The following ABCF3 variants were observed in gnomAD, a reference collection of about 807,000 sequenced individuals.
ABCF3 encodes ATP-binding cassette sub-family F member 3.
A neutral mutation model predicts 94.3 loss-of-function variants in ABCF3; 62 were observed. The observed-to-expected ratio is 0.66, with a 90% confidence interval of 0.54 to 0.81. The LOEUF (loss-of-function observed/expected upper bound fraction) is 0.81, where lower values mean the gene tolerates loss of function less well. Ranked by LOEUF, ABCF3 falls within the 40% of genes least tolerant of loss-of-function variation. The pLI, the probability that ABCF3 is intolerant of heterozygous loss-of-function variation, is 0.00. For missense variants in ABCF3, 843 were observed against 925.3 expected (o/e 0.91, Z 1.15); for synonymous variants, 355 against 361.1 (o/e 0.98, Z 0.19).
chr3:184,188,323 T>C lies in ABCF3; in HGVS notation c.752T>C (p.Leu251Pro), dbSNP rs1351751856. The C allele has an allele frequency of 1.2e-6, 2 of 1,613,956 alleles. No individual in the cohort carries two copies. Among genetic ancestry groups the C allele is most frequent in the Non-Finnish European group, 1.7e-6 (2 of 1,180,044 alleles). The change falls in exon 7 of 21, where the codon CTG (leucine) becomes CCG (proline). Residue 251 changes from leucine (L) to proline (P), a missense_variant. By Grantham distance (98) the Leu-to-Pro change is moderately conservative. Coordinates refer to ENST00000429586, the MANE Select transcript of ABCF3 (RefSeq NM_018358.3). Reference protein sequence around the residue: ...QEVAGDDTPALQSVLESDSVR... With the variant: ...QEVAGDDTPAPQSVLESDSVR... ...GTTGCTGGAGATGACACTCCTGCCC[T>C]GCAGAGTGTGCTGGAGAGTGACAGT...
chr3:184,192,575 T>C (rs757285493), intron 16 of ABCF3, 26 bp from the exon 17 acceptor site: 1 of 1,596,340 alleles, frequency 6.3e-7, no homozygotes, highest in Non-Finnish European at 8.5e-7. Flanking sequence ...TGGCACACAC[T>C]GTATGACATT....
intron 14 of ABCF3, 96 bp downstream of exon 14, chr3:184,190,027 C>A: frequency 7.5e-7 from 1 of 1,335,606 alleles, no homozygotes; most frequent in South Asian, 1.2e-5. Flanking sequence ...TAGGTCTCCC[C>A]TTCGCTAGAA....
rs1283908771 is a variant in ABCF3 at position 184,193,116 on chromosome 3, G to C, written c.1765G>C (p.Glu589Gln). ...TCCTTTTCCAGGGCGGCCTGAGGAG[G>C]AGTACCGTCACCAGCTGGGTCGGTA... ...ARKFPGRPEE[E>Q]YRHQLGRYGI... Residue 589 changes from glutamate to glutamine, a missense_variant, in exon 19 of 21, where the codon GAG becomes CAG. Transcript: ENST00000429586. The surrounding 1 kb of genome is among the most constrained non-coding windows in gnomAD (Gnocchi z 5.2). 6.5e-7 allele frequency: 1 copy of C among 1,542,320 alleles called. No individual in the cohort carries two copies. Among genetic ancestry groups the C allele is most frequent in the Non-Finnish European group, 8.7e-7 (1 of 1,146,124 alleles).
At chr3:184,187,254 A>G (rs1037166449) in intron 3 of ABCF3, 143 bp from the exon 4 acceptor site, 10 of 895,012 alleles carry the variant, frequency 1.1e-5, no homozygotes, top group Admixed American at 1.0e-4. Context: ...TTTTTAGTGC[A>G]GGGAAGATAA....
At chr3:184,187,611 G>C in intron 4 of ABCF3, 53 bp from the exon 5 acceptor site, 1 of 1,600,218 alleles carries the variant, frequency 6.2e-7, no homozygotes, top group Non-Finnish European at 8.6e-7. Flanking sequence ...CTCTCTTGGG[G>C]TTCCTTTCTG....
At chr3:184,190,735 G>A (rs764403797) in intron 14 of ABCF3, 2 of 425,498 alleles carry the variant, frequency 4.7e-6, no homozygotes, top group Non-Finnish European at 8.5e-6. Context: ...CTTTCTATAA[G>A]TGCTGGCAGG....
At position 184,193,104 on chromosome 3, in the gene ABCF3, C is replaced by A; in HGVS notation, c.1753C>A (p.Arg585=). 1 of 1,535,194 alleles carries A rather than the reference C, an allele frequency of 6.5e-7. No homozygotes were observed. The highest frequency in any genetic ancestry group is 8.8e-7 in the Non-Finnish European group (1 of 1,142,544). ...VELLARKFPG[R]PEEEYRHQLG... ...TGATCTGGGGAGTCCTTTTCCAGGG[C>A]GGCCTGAGGAGGAGTACCGTCACCA... The change falls in exon 19 of 21, where the codon CGG becomes AGG. Residue 585 remains arginine, a splice_region_variant and synonymous_variant. Transcript: ENST00000429586. This position sits in a 1 kb window ranked among gnomAD's most constrained non-coding sequence, Gnocchi z 5.2.
At chr3:184,190,005 G>C in intron 14 of ABCF3, 74 bp downstream of exon 14, 2 of 1,518,736 alleles carry the variant, frequency 1.3e-6, no homozygotes, top group Non-Finnish European at 1.8e-6. Flanking sequence ...CGCCACCCTT[G>C]CCCTACCATT....
chr3:184,191,593 C>T (rs1408571127), intron 16 of ABCF3, among the ~76,000 whole-genome samples: 2 of 152,108 alleles, frequency 1.3e-5, no homozygotes, highest in African/African-American at 2.4e-5. Flanking sequence ...TTGACTATGC[C>T]ATTTCCTAGC....
At chr3:184,190,058 C>A in intron 14 of ABCF3, 127 bp downstream of exon 14, 1 of 989,590 alleles carries the variant, frequency 1.0e-6, no homozygotes, top group South Asian at 1.4e-5. Flanking sequence ...ACTTCCTCCT[C>A]TGCTGGGAAG....
rs149387226 is a variant in ABCF3 at position 184,189,581 on chromosome 3, G to A, written c.1138G>A (p.Val380Ile). ...LQTWPSTILVVSHDRNFLNAI... is the reference protein window; with the variant it reads ...LQTWPSTILVISHDRNFLNAI... ...GACGTGGCCCTCCACCATCCTAGTC[G>A]TCTCCCACGACCGCAACTTCTTGAA... is the stretch of plus-strand genomic sequence containing the variant. The change falls in exon 13 of 21, where the codon GTC becomes ATC. Residue 380 changes from valine to isoleucine, a missense_variant. Physicochemically the swap from Val to Ile is conservative, Grantham distance 29. Coordinates refer to ENST00000429586, the MANE Select transcript of ABCF3 (RefSeq NM_018358.3). 1.1e-5 allele frequency: 18 copies of A among 1,613,950 alleles called. No homozygotes were observed. Among genetic ancestry groups the A allele is most frequent in the Admixed American group, 3.3e-5 (2 of 59,988 alleles).
At position 184,191,008 on chromosome 3, in the gene ABCF3, G is replaced by A. The variant is rs766764661; in HGVS notation, c.1401G>A (p.Leu467=). Residue 467 remains leucine, a synonymous_variant, in exon 15 of 21, where the codon CTG becomes CTA. Coordinates refer to ENST00000429586, the MANE Select transcript of ABCF3 (RefSeq NM_018358.3). ...TCATCTCTTCTCCCAGGCCTGAGCTGAAGCCTGTGGACAAGGAATCAGAGG... is the reference window on the plus strand; with the variant it reads ...TCATCTCTTCTCCCAGGCCTGAGCTAAAGCCTGTGGACAAGGAATCAGAGG... ...KLKMLEKLPE[L]KPVDKESEVV... 2 of 1,614,134 alleles carry A rather than the reference G, an allele frequency of 1.2e-6. No homozygotes were observed. The highest frequency in any genetic ancestry group is 1.1e-5 in the South Asian group (1 of 91,076).
chr3:184,186,550 C>G lies in ABCF3; in HGVS notation c.117C>G (p.Asp39Glu). ...GCGCGGACTTCGAGTCTGTGGATGA[C>G]CTGGTGGAAGCTGTAGGGGAACTAT... ...SGSADFESVD[D>E]LVEAVGELLQ... The change falls in exon 2 of 21, where the codon GAC becomes GAG. Residue 39 changes from aspartate (D) to glutamate (E), a missense_variant. Physicochemically the swap from Asp to Glu is conservative, Grantham distance 45. Coordinates refer to ENST00000429586, the MANE Select transcript of ABCF3 (RefSeq NM_018358.3). The G allele has an allele frequency of 1.2e-6, 2 of 1,613,890 alleles. No individual in the cohort carries two copies. The highest frequency in any genetic ancestry group is 1.7e-6 in the Non-Finnish European group (2 of 1,179,872).
intron 1 of ABCF3, 38 bp downstream of exon 1, chr3:184,186,318 G>T (rs749812144): frequency 6.2e-7 from 1 of 1,613,184 alleles, no homozygotes; most frequent in Non-Finnish European, 8.5e-7. Flanking sequence ...GGAGACCGAA[G>T]TGGAGGCCGG....
intron 1 of ABCF3, 26 bp downstream of exon 1, chr3:184,186,306 G>T (rs766567934): frequency 1.9e-6 from 3 of 1,613,706 alleles, no homozygotes; most frequent in Non-Finnish European, 2.5e-6. Context: ...TCGGCCGGCT[G>T]GGGAGACCGA....
chr3:184,187,831 A>C, intron 5 of ABCF3, 30 bp from the exon 6 acceptor site: 1 of 1,614,130 alleles, frequency 6.2e-7, no homozygotes, highest in Non-Finnish European at 8.5e-7. Context: ...GGTGGGGAGC[A>C]CTAAGAGCTG....
chr3:184,187,866 T>C lies in ABCF3; in HGVS notation c.452T>C (p.Leu151Ser). ...GTCCATTTCTCCCTTTAAAGAGTCT[T>C]AGAAGAGGCATCAGCCAGCCAGGCA... ...DTLKTSNPLV[L>S]EEASASQAGS... Residue 151 changes from leucine to serine, a missense_variant, in exon 6 of 21, where the codon TTA becomes TCA. Transcript: ENST00000429586. 1 of 1,614,124 alleles carries C rather than the reference T, an allele frequency of 6.2e-7. No homozygotes were observed.
chr3:184,186,834 T>C lies in ABCF3; in HGVS notation c.260T>C (p.Leu87Pro). The C allele has an allele frequency of 6.2e-7, 1 of 1,614,066 alleles. No homozygotes were observed. The highest frequency in any genetic ancestry group is 8.5e-7 in the Non-Finnish European group (1 of 1,179,996). ...PQSQGNSQVL[L>P]DAPIQLSKIT... ...AGCCAGGGAAATAGCCAGGTGCTAC[T>C]GGACGCCCCTATCCAGTTGTCAAAG... Residue 87 changes from leucine (L) to proline (P), a missense_variant, in exon 3 of 21, where the codon CTG (leucine) becomes CCG (proline). Coordinates refer to ENST00000429586, the MANE Select transcript of ABCF3 (RefSeq NM_018358.3).
rs369759300 is a variant in ABCF3 at position 184,188,735 on chromosome 3, C to T, written c.837-26C>T. On this transcript the variant is annotated intron_variant, in intron 7 of 20. Coordinates refer to ENST00000429586, the MANE Select transcript of ABCF3 (RefSeq NM_018358.3). ...TCCTCCTAGACTGCCCCTGCTTAGG[C>T]CAATTGCTGTTTCTCCTCCCTCCAG... The T allele has an allele frequency of 1.6e-5, 26 of 1,612,008 alleles. No individual in the cohort carries two copies. In the South Asian group the frequency reaches 1.9e-4, roughly 12 times the overall value.
Sources: allele counts gnomAD v4.1 joint callset (sites outside exome capture counted in the v4.1 genomes callset), GRCh38; gene constraint gnomAD v4.1.1; non-coding constraint Gnocchi (gnomAD v3.1); transcripts MANE v1.5; gene names NCBI Gene and HGNC (gene_info 2026-07-23, HGNC 2026-07-21).